Variants in ILRUN observed in about 807,000 individuals in gnomAD.
ILRUN encodes the protein protein ILRUN.
Under a neutral mutation model 33.8 loss-of-function variants are expected in ILRUN, and 3 were observed. That is an observed-to-expected ratio of 0.09 (90% CI 0.04 to 0.23). The LOEUF (loss-of-function observed/expected upper bound fraction) is 0.23. Among genes scored for constraint, ILRUN ranks in the 10% least tolerant of loss-of-function variants. The pLI is 1.00. For missense variants in ILRUN, 210 were observed against 375.1 expected, an observed-to-expected ratio of 0.56 and a Z score of 3.64; for synonymous variants, 124 against 138.9, an observed-to-expected ratio of 0.89 and a Z score of 0.75.
chr6:34,595,842 T>C, intron 4 of ILRUN: 1 of 985,476 alleles, frequency 1.0e-6, no homozygotes, highest in Non-Finnish European at 1.2e-6. Context: ...TGTATACTGA[T>C]GGCATTATCG....
chr6:34,664,675 G>A lies in ILRUN; in HGVS notation c.159-9896C>T, dbSNP rs567963689. Reference sequence around the variant, plus strand: ...AATTTTTGAAAATGCTGGACCACTGGCCCAGGAGAGACATGAAAATATATG... The same window carrying A: ...AATTTTTGAAAATGCTGGACCACTGACCCAGGAGAGACATGAAAATATATG... On this transcript the variant is annotated intron_variant, in intron 1 of 4. Coordinates refer to ENST00000374023, the MANE Select transcript of ILRUN (RefSeq NM_024294.4). Among the ~76,000 whole-genome samples, 16 of 152,242 alleles carry A rather than the reference G, an allele frequency of 1.1e-4. No individual in the cohort carries two copies. In the South Asian group the frequency reaches 2.9e-3, roughly 28 times the overall value.
intron 3 of ILRUN, among the ~76,000 whole-genome samples, chr6:34,607,229 A>C (rs1217979415): frequency 6.6e-6 from 1 of 151,812 alleles, no homozygotes; most frequent in East Asian, 1.9e-4. Context: ...CGATCAATAG[A>C]TAGAAATCAA....
chr6:34,620,555 T>C (rs1761992788), intron 3 of ILRUN, among the ~76,000 whole-genome samples: 1 of 152,234 alleles, frequency 6.6e-6, no homozygotes, highest in Non-Finnish European at 1.5e-5. Context: ...ATATAAATTA[T>C]TGCAGAGCAC....
At chr6:34,614,437 A>T (rs1275931551) in intron 3 of ILRUN, among the ~76,000 whole-genome samples, 1,992 of 124,160 alleles carry the variant, frequency 0.016, 64 homozygotes, top group African/African-American at 0.053. Context: ...ATAATAAAAA[A>T]AAAAAAATAT....
At chr6:34,667,777 C>A (rs1763034669) in intron 1 of ILRUN, among the ~76,000 whole-genome samples, 1 of 152,164 alleles carries the variant, frequency 6.6e-6, no homozygotes, top group Admixed American at 6.5e-5. Context: ...ATAGGACACT[C>A]CGACTGGCAT....
chr6:34,590,554 C>A lies in ILRUN; in HGVS notation c.*11G>T. ...TGTCTTTTGTTAATTTTTCTTCTTG[C>A]TGACACCCGTTTAAGACTGGCCGAA... is the stretch of plus-strand genomic sequence containing the variant. On this transcript the variant is annotated 3_prime_UTR_variant, in exon 5 of 5. Coordinates refer to ENST00000374023, the MANE Select transcript of ILRUN (RefSeq NM_024294.4). The A allele has an allele frequency of 6.2e-7, 1 of 1,614,002 alleles. No individual in the cohort carries two copies. The highest frequency in any genetic ancestry group is 1.7e-5 in the Admixed American group (1 of 60,020).
chr6:34,659,382 G>A (rs115776970), intron 1 of ILRUN, among the ~76,000 whole-genome samples: 1,715 of 152,216 alleles, frequency 0.011, 12 homozygotes, highest in Non-Finnish European at 0.016. Context: ...ATTTGCCCTA[G>A]GCTAGGCAAT....
rs181277236 is a variant in ILRUN, at chr6:34,614,338, C to T, written c.512-7434G>A. Reference sequence around the variant, plus strand: ...TCGGGAGGCTGAGGCAGGAGAATGGCGTGAACCCAGGAAGCAGAGCTTGTA... The same window carrying T: ...TCGGGAGGCTGAGGCAGGAGAATGGTGTGAACCCAGGAAGCAGAGCTTGTA... On this transcript the variant is annotated intron_variant, in intron 3 of 4. Transcript: ENST00000374023. 4.2e-3 allele frequency among the ~76,000 whole-genome samples: 630 copies of T among 151,168 alleles called. 5 individuals carry two copies. The highest frequency in any genetic ancestry group is 0.014 in the African/African-American group (587 of 41,050).
Position 34,661,564 on chromosome 6 carries a change from A to G in ILRUN, c.159-6785T>C, listed in dbSNP as rs1302157455. Reference sequence around the variant, plus strand: ...ACAGTCATGGCTCTCTTCAACAGAGATAAAAGACCACTGCAAACATCTAGA... The same window carrying G: ...ACAGTCATGGCTCTCTTCAACAGAGGTAAAAGACCACTGCAAACATCTAGA... On this transcript the variant is annotated intron_variant, in intron 1 of 4. Transcript: ENST00000374023. Among the ~76,000 whole-genome samples the G allele has an allele frequency of 3.9e-5, 6 of 152,324 alleles. No individual in the cohort carries two copies. In the East Asian group the frequency reaches 5.8e-4, roughly 15 times the overall value.
rs1231078986 is a variant in ILRUN, at chr6:34,632,052, A to AT, written c.511+14548dup. The stretch of plus-strand genomic sequence containing the variant: ...TGAATGGGAGAAAAAAGTAGGTTAC[A>AT]TAAGAATAGGTAGCACAATACCATA... On this transcript the variant is annotated intron_variant, in intron 3 of 4. Coordinates refer to ENST00000374023, the MANE Select transcript of ILRUN (RefSeq NM_024294.4). Among the ~76,000 whole-genome samples the AT allele has an allele frequency of 3.9e-5, 6 of 152,216 alleles. No individual in the cohort carries two copies. In the East Asian group the frequency reaches 1.2e-3, roughly 29 times the overall value.
chr6:34,604,897 C>T (rs1259739595), intron 4 of ILRUN, among the ~76,000 whole-genome samples: 1 of 152,202 alleles, frequency 6.6e-6, no homozygotes, highest in Non-Finnish European at 1.5e-5. Context: ...TGAAAGAGGA[C>T]TCTAATCCTT....
intron 4 of ILRUN, among the ~76,000 whole-genome samples, chr6:34,590,977 C>T (rs1259930826): frequency 6.6e-6 from 1 of 152,188 alleles, no homozygotes; most frequent in Non-Finnish European, 1.5e-5. Context: ...ATTCTATGCA[C>T]CTTAACTTCA....
chr6:34,688,097 A>G (rs1048610002), intron 1 of ILRUN, among the ~76,000 whole-genome samples: 1 of 152,186 alleles, frequency 6.6e-6, no homozygotes, highest in African/African-American at 2.4e-5. Flanking sequence ...CTATCAAGCC[A>G]TAAAAAAAGA....
chr6:34,673,903 A>G (rs1322662343), intron 1 of ILRUN, among the ~76,000 whole-genome samples: 1 of 140,150 alleles, frequency 7.1e-6, no homozygotes, highest in South Asian at 2.4e-4. Flanking sequence ...TAACAACCAC[A>G]TACACACACA....
At chr6:34,682,251 G>GTTTTTTTTT (rs66948142) in intron 1 of ILRUN, among the ~76,000 whole-genome samples, 1 of 51,072 alleles carries the variant, frequency 2.0e-5, no homozygotes, top group Admixed American at 2.0e-4. Context: ...TGCAACCTCT[G>GTTTTTTTTT]TTTTTTTTTT....
At chr6:34,641,078 C>CAAAAA (rs752197549) in intron 3 of ILRUN, among the ~76,000 whole-genome samples, 3 of 77,114 alleles carry the variant, frequency 3.9e-5, no homozygotes, top group Admixed American at 1.5e-4. Context: ...GACTCCATCT[C>CAAAAA]AAAAAAAAAA....
At chr6:34,599,754 C>T (rs9469812) in intron 4 of ILRUN, among the ~76,000 whole-genome samples, 22,645 of 152,088 alleles carry the variant, frequency 0.15, 2,359 homozygotes, top group African/African-American at 0.29. Flanking sequence ...TGCAACAGCC[C>T]ACTTGACACC....
At chr6:34,647,186 A>G (rs1762576840) in intron 2 of ILRUN, among the ~76,000 whole-genome samples, 1 of 152,204 alleles carries the variant, frequency 6.6e-6, no homozygotes, top group Admixed American at 6.5e-5. Flanking sequence ...AAGGTAACAC[A>G]TGTCCATTTT....
intron 3 of ILRUN, among the ~76,000 whole-genome samples, chr6:34,614,443 A>AAAAAATATATATATATATAT (rs71000073): frequency 7.5e-6 from 1 of 133,598 alleles, no homozygotes; most frequent in African/African-American, 3.1e-5. Context: ...AAAAAAAAAA[A>AAAAAATATATATATATATAT]ATATATATAT....
Sources: allele counts gnomAD v4.1 joint callset (sites outside exome capture counted in the v4.1 genomes callset), GRCh38; gene constraint gnomAD v4.1.1; transcripts MANE v1.5; gene names NCBI Gene and HGNC (gene_info 2026-07-23, HGNC 2026-07-21).